The following AGMO variants were observed in gnomAD, a reference collection of about 807,000 sequenced individuals.
AGMO encodes the protein glyceryl-ether monooxygenase.
AGMO carries 75 observed loss-of-function variants against 60.2 expected under a neutral mutation model. That is an observed-to-expected ratio of 1.25 (90% CI 1.03 to 1.51). The LOEUF (loss-of-function observed/expected upper bound fraction) is 1.51. Among genes scored for constraint, AGMO ranks in the 40% most tolerant of loss-of-function variants. AGMO has a pLI of 0.00. For synonymous variants in AGMO, 261 were observed against 177.1 expected (o/e 1.47, Z -3.76); for missense variants, 763 against 525.5 (o/e 1.45, Z -4.42).
chr7:15,548,292 A>C (rs1784846278), intron 2 of AGMO, among the ~76,000 whole-genome samples: 1 of 152,160 alleles, frequency 6.6e-6, no homozygotes, highest in Non-Finnish European at 1.5e-5. Flanking sequence ...GTTCCTCACC[A>C]GCAACGGAAC....
chr7:15,371,520 A>G (rs1783214141), intron 10 of AGMO, among the ~76,000 whole-genome samples: 2 of 151,800 alleles, frequency 1.3e-5, no homozygotes. Flanking sequence ...CCTCCCTAGT[A>G]GCTGGGATTA....
chr7:15,279,592 G>T (rs139387912), intron 12 of AGMO, among the ~76,000 whole-genome samples: 1 of 152,068 alleles, frequency 6.6e-6, no homozygotes, highest in Non-Finnish European at 1.5e-5. Flanking sequence ...AGACAAACTG[G>T]TGTGTAGAGA....
chr7:15,118,938 C>G, the AGMO span, among the ~76,000 whole-genome samples: 1 of 125,810 alleles, frequency 7.9e-6, no homozygotes, highest in South Asian at 2.5e-4. Context: ...CTCTCTGTTG[C>G]CAGGCTGGAG....
chr7:15,352,864 TG>T (rs1583443462), intron 12 of AGMO, among the ~76,000 whole-genome samples: 1 of 152,086 alleles, frequency 6.6e-6, no homozygotes, highest in East Asian at 1.9e-4. Flanking sequence ...AATTAGAACG[TG>T]TATGTGTTTA....
chr7:15,548,097 C>G (rs1232144433), intron 2 of AGMO, among the ~76,000 whole-genome samples: 2 of 152,190 alleles, frequency 1.3e-5, no homozygotes, highest in East Asian at 1.9e-4. Context: ...AGACCTGCAG[C>G]TGACGGTCAT....
At chr7:15,220,189 T>C (rs909949960) in intron 12 of AGMO, among the ~76,000 whole-genome samples, 2 of 151,640 alleles carry the variant, frequency 1.3e-5, no homozygotes, top group Non-Finnish European at 2.9e-5. Context: ...GAACATCTTA[T>C]GTGTCCACCT....
At chr7:15,508,737 A>G (rs2128529067) in intron 3 of AGMO, among the ~76,000 whole-genome samples, 1 of 152,240 alleles carries the variant, frequency 6.6e-6, no homozygotes, top group African/African-American at 2.4e-5. Flanking sequence ...GTATAGAAAA[A>G]AAAAAAAGTT....
intron 12 of AGMO, among the ~76,000 whole-genome samples, chr7:15,224,608 C>T (rs1415482670): frequency 6.6e-6 from 1 of 152,002 alleles, no homozygotes; most frequent in Non-Finnish European, 1.5e-5. Context: ...TATTATAGCA[C>T]TCAAACTGAC....
At position 15,212,355 on chromosome 7, in the gene AGMO, T is replaced by C. The variant is rs147794590; in HGVS notation, c.1264-10996A>G. On this transcript the variant is annotated intron_variant, in intron 12 of 12. Transcript: ENST00000342526. ...AAGAATTACATCGAATCAGTCTCTATTAGGTTGTATTCATTCACAAATATT... is the reference window on the plus strand; with the variant it reads ...AAGAATTACATCGAATCAGTCTCTACTAGGTTGTATTCATTCACAAATATT... Among the ~76,000 whole-genome samples, 1,475 of 151,906 alleles carry C rather than the reference T, an allele frequency of 9.7e-3. 14 individuals carry two copies. The highest frequency in any genetic ancestry group is 0.033 in the African/African-American group (1,373 of 41,500).
At chr7:15,281,067 T>C (rs1783951429) in intron 12 of AGMO, among the ~76,000 whole-genome samples, 1 of 152,004 alleles carries the variant, frequency 6.6e-6, no homozygotes, top group South Asian at 2.1e-4. Flanking sequence ...CTCCTACTCC[T>C]AGGGGAAGGG....
chr7:15,467,114 G>T (rs897538512), intron 3 of AGMO, among the ~76,000 whole-genome samples: 1 of 152,100 alleles, frequency 6.6e-6, no homozygotes, highest in Non-Finnish European at 1.5e-5. Context: ...AAGAGTGAAA[G>T]AATGTAAATC....
chr7:15,162,034 C>T, the AGMO span, among the ~76,000 whole-genome samples: 1 of 152,034 alleles, frequency 6.6e-6, no homozygotes, highest in Non-Finnish European at 1.5e-5. Flanking sequence ...ATCATGGGGA[C>T]GGTTCCCCCA....
chr7:15,514,029 C>T (rs1783746027), intron 3 of AGMO, among the ~76,000 whole-genome samples: 1 of 152,138 alleles, frequency 6.6e-6, no homozygotes, highest in Non-Finnish European at 1.5e-5. Flanking sequence ...CAATCTCTCT[C>T]AAAGCTTTTA....
chr7:15,119,499 T>A, the AGMO span, among the ~76,000 whole-genome samples: 1 of 151,428 alleles, frequency 6.6e-6, no homozygotes, highest in African/African-American at 2.4e-5. Flanking sequence ...CAGCTTAAAT[T>A]CTAAGGTCAG....
chr7:15,179,399 G>C, the AGMO span, among the ~76,000 whole-genome samples: 5 of 152,100 alleles, frequency 3.3e-5, no homozygotes, highest in African/African-American at 7.2e-5. Flanking sequence ...TCATAGAATA[G>C]ACATTCCCAT....
chr7:15,529,318 G>T (rs970800871), intron 3 of AGMO, among the ~76,000 whole-genome samples: 1 of 150,854 alleles, frequency 6.6e-6, no homozygotes, highest in African/African-American at 2.4e-5. Context: ...ATATATTACT[G>T]TTAATGTAAC....
At position 15,387,401 on chromosome 7, in the gene AGMO, T is replaced by C. The variant is rs775760752; in HGVS notation, c.957+5A>G. ...ACCATCTCCAATTCTGTGAACTCTA[T>C]TTACCTCTGGAATTTCTTCACTGAG... On this transcript the variant is annotated splice_donor_5th_base_variant and intron_variant, in intron 9 of 12. Transcript: ENST00000342526. 4.3e-6 allele frequency: 7 copies of C among 1,612,834 alleles called. No homozygotes were observed. Among genetic ancestry groups the C allele is most frequent in the African/African-American group, 4.0e-5 (3 of 74,820 alleles).
At chr7:15,172,254 C>T in the AGMO span, among the ~76,000 whole-genome samples, 1 of 152,178 alleles carries the variant, frequency 6.6e-6, no homozygotes, top group African/African-American at 2.4e-5. Context: ...GGCAGAGGTA[C>T]AGAGCTGTCC....
At chr7:15,280,790 G>T (rs1301431664) in intron 12 of AGMO, among the ~76,000 whole-genome samples, 2 of 152,146 alleles carry the variant, frequency 1.3e-5, no homozygotes, top group Admixed American at 1.3e-4. Context: ...TAAATACGTG[G>T]TCCTGAGTTT....
Sources: gnomAD v4.1 joint callset for allele counts (sites outside exome capture counted in the v4.1 genomes callset) on GRCh38, gnomAD v4.1.1 for gene constraint, MANE v1.5 for transcripts, NCBI Gene and HGNC (gene_info 2026-07-23, HGNC 2026-07-21) for gene names.